Variants in DGKH observed in about 807,000 individuals in gnomAD.
The protein encoded by DGKH is diacylglycerol kinase eta, also known as DAG kinase eta.
Under a neutral mutation model 159.3 loss-of-function variants are expected in DGKH, and 90 were observed. The ratio of observed to expected loss-of-function variants is 0.57; its 90% CI spans 0.48 to 0.67. The LOEUF is 0.67. DGKH is among the 30% of genes least tolerant of loss of function. The pLI is 0.00. For synonymous variants in DGKH, 536 were observed against 553.8 expected, an observed-to-expected ratio of 0.97 and a Z score of 0.45; for missense variants, 1,181 against 1,506.1, an observed-to-expected ratio of 0.78 and a Z score of 3.57.
intron 1 of DGKH, among the ~76,000 whole-genome samples, chr13:42,112,200 T>C (rs1446760491): frequency 1.3e-5 from 2 of 151,852 alleles, no homozygotes; most frequent in East Asian, 3.9e-4. Flanking sequence ...CAGACTATTG[T>C]ACAAACCTCT....
intron 3 of DGKH, among the ~76,000 whole-genome samples, chr13:42,147,165 T>C (rs1314963455): frequency 6.6e-6 from 1 of 151,976 alleles, no homozygotes; most frequent in Non-Finnish European, 1.5e-5. Flanking sequence ...TTGGGGAGGA[T>C]TGGTATATAA....
At chr13:42,143,707 CTGA>C (rs1955638312) in intron 3 of DGKH, among the ~76,000 whole-genome samples, 2 of 152,140 alleles carry the variant, frequency 1.3e-5, no homozygotes, top group Non-Finnish European at 2.9e-5. Flanking sequence ...ATAGTATTCT[CTGA>C]TGGTAGTTTG....
At chr13:42,158,965 C>T (rs1166350105) in intron 5 of DGKH, among the ~76,000 whole-genome samples, 1 of 152,132 alleles carries the variant, frequency 6.6e-6, no homozygotes, top group Non-Finnish European at 1.5e-5. Context: ...CTCTCCCTCT[C>T]TCCTATGTGT....
intron 1 of DGKH, among the ~76,000 whole-genome samples, chr13:42,110,663 A>T (rs1432986689): frequency 6.6e-6 from 1 of 151,982 alleles, no homozygotes; most frequent in East Asian, 1.9e-4. Context: ...GGCATTTACC[A>T]GTTACGGGAA....
chr13:42,070,663 T>G, intron 1 of DGKH: 1 of 1,612,156 alleles, frequency 6.2e-7, no homozygotes, highest in Non-Finnish European at 8.5e-7. Flanking sequence ...ATTTGCAGAG[T>G]GAATATACTT....
intron 29 of DGKH, among the ~76,000 whole-genome samples, chr13:42,249,983 T>G (rs1178701076): frequency 2.0e-5 from 3 of 151,604 alleles, no homozygotes; most frequent in South Asian, 2.1e-4. Context: ...TTTTGTTTTT[T>G]TTTTTTAGAT....
chr13:42,096,177 T>C (rs1445294661), intron 1 of DGKH, among the ~76,000 whole-genome samples: 1 of 151,888 alleles, frequency 6.6e-6, no homozygotes, highest in African/African-American at 2.4e-5. Flanking sequence ...AGGTTTGGAG[T>C]ATGAGTGATC....
chr13:42,250,987 G>T (rs1958616282), intron 29 of DGKH, among the ~76,000 whole-genome samples: 1 of 151,950 alleles, frequency 6.6e-6, no homozygotes, highest in African/African-American at 2.4e-5. Flanking sequence ...ATGTTGTTTT[G>T]GCCTGCAGTA....
Position 42,161,559 on chromosome 13 carries a change from A to T in DGKH, c.855+1423A>T, listed in dbSNP as rs562234513. Among the ~76,000 whole-genome samples, 286 of 147,204 alleles carry T rather than the reference A, an allele frequency of 1.9e-3. 1 individual carries two copies. Among genetic ancestry groups the T allele is most frequent in the African/African-American group, 6.7e-3 (276 of 40,982 alleles). ...CACTTTGGGAGGCCAAGGTGGGCGG[A>T]TCATGGGGTCAGGAGATCAAGACCA... On this transcript the variant is annotated intron_variant, in intron 7 of 29. Transcript: ENST00000337343.
intron 1 of DGKH, among the ~76,000 whole-genome samples, chr13:42,116,760 G>A (rs1822209051): frequency 6.6e-6 from 1 of 152,176 alleles, no homozygotes. Context: ...GAGCATCCAT[G>A]TGTGTATATA....
intron 25 of DGKH, 36 bp downstream of exon 25, chr13:42,214,648 T>A (rs763261900): frequency 4.4e-6 from 7 of 1,599,182 alleles, no homozygotes; most frequent in Non-Finnish European, 6.0e-6. Flanking sequence ...TTCCACAGAT[T>A]CTTTTGGGTG....
chr13:42,148,617 G>A (rs1168423048), intron 3 of DGKH, among the ~76,000 whole-genome samples: 1 of 152,132 alleles, frequency 6.6e-6, no homozygotes, highest in South Asian at 2.1e-4. Flanking sequence ...CCTAAAATGA[G>A]TATCTGGTTT....
chr13:42,169,539 A>G (rs916850615), intron 11 of DGKH, among the ~76,000 whole-genome samples: 2 of 152,168 alleles, frequency 1.3e-5, no homozygotes, highest in African/African-American at 4.8e-5. Flanking sequence ...CCAACCCCCA[A>G]TGTCAGTAGA....
At chr13:42,243,641 C>T (rs575728417), downstream of DGKH, among the ~76,000 whole-genome samples, 8 of 152,298 alleles carry the variant, frequency 5.3e-5, no homozygotes, top group East Asian at 9.6e-4. Context: ...AGTTCAGGGG[C>T]ACCTTCCTGG....
chr13:42,189,410 A>G, intron 15 of DGKH, 101 bp downstream of exon 15: 2 of 1,482,284 alleles, frequency 1.3e-6, no homozygotes, highest in Non-Finnish European at 1.8e-6. Flanking sequence ...CTTTTTAAAA[A>G]TAAAATTTTT....
chr13:42,078,196 G>A (rs80089278), intron 1 of DGKH, among the ~76,000 whole-genome samples: 7 of 152,264 alleles, frequency 4.6e-5, no homozygotes, highest in South Asian at 4.1e-4. Flanking sequence ...TATTTTAGGC[G>A]TTTTAAGCAG....
intron 26 of DGKH, chr13:42,216,594 C>G (rs1957801092): frequency 6.6e-6 from 1 of 152,182 alleles, no homozygotes; most frequent in Admixed American, 6.5e-5. Flanking sequence ...CTGTTTTCGC[C>G]TATGGTCCAG....
At chr13:42,046,758 AACTG>A (rs1204034275), upstream of DGKH, among the ~76,000 whole-genome samples, 3 of 152,240 alleles carry the variant, frequency 2.0e-5, no homozygotes, top group African/African-American at 7.2e-5. Context: ...AGTATATGGT[AACTG>A]ACAGACTTTT....
At chr13:42,228,766 G>GAAGTCAAAAGCC (rs953260438) in intron 29 of DGKH, among the ~76,000 whole-genome samples, 66 of 152,024 alleles carry the variant, frequency 4.3e-4, no homozygotes, top group African/African-American at 1.6e-3. Flanking sequence ...TTTGACTTTT[G>GAAGTCAAAAGCC]AAGTCAAAAG....
Sources: gnomAD v4.1 joint callset for allele counts (sites outside exome capture counted in the v4.1 genomes callset) on GRCh38, gnomAD v4.1.1 for gene constraint, MANE v1.5 for transcripts, NCBI Gene and HGNC (gene_info 2026-07-23, HGNC 2026-07-21) for gene names.